ZNF804B: variants seen among roughly 807,000 people sequenced by gnomAD.
The protein encoded by ZNF804B is zinc finger 804B.
Under a neutral mutation model 101.4 loss-of-function variants are expected in ZNF804B, and 80 were observed. The ratio of observed to expected loss-of-function variants is 0.79; its 90% CI spans 0.66 to 0.95. The LOEUF (loss-of-function observed/expected upper bound fraction) is 0.95, where lower values mean the gene tolerates loss of function less well. Ranked by LOEUF, ZNF804B falls within the 40% of genes least tolerant of loss-of-function variation. The pLI is 0.00. For synonymous variants in ZNF804B, 622 were observed against 558.8 expected (o/e 1.11, Z -1.59); for missense variants, 1,673 against 1,561.9 (o/e 1.07, Z -1.20).
intron 1 of ZNF804B, among the ~76,000 whole-genome samples, chr7:89,123,164 T>G (rs1308342148): frequency 6.6e-6 from 1 of 152,106 alleles, no homozygotes; most frequent in East Asian, 1.9e-4. Flanking sequence ...CAGCTTTTTT[T>G]TTTTTTTAAT....
chr7:89,113,770 G>C (rs2116355797), intron 1 of ZNF804B, among the ~76,000 whole-genome samples: 1 of 152,184 alleles, frequency 6.6e-6, no homozygotes, highest in South Asian at 2.1e-4. Flanking sequence ...GGCCAACATA[G>C]TGAAACCTCG....
chr7:88,793,949 TA>T (rs1157342507), intron 1 of ZNF804B, among the ~76,000 whole-genome samples: 5 of 152,138 alleles, frequency 3.3e-5, no homozygotes, highest in Non-Finnish European at 7.4e-5. Context: ...GAGCTTATGA[TA>T]AACTTATTAA....
At chr7:88,951,972 C>T (rs1213682667) in intron 1 of ZNF804B, among the ~76,000 whole-genome samples, 5 of 151,774 alleles carry the variant, frequency 3.3e-5, no homozygotes, top group African/African-American at 4.8e-5. Context: ...GGTGGTATCT[C>T]ATTCCTGGAA....
chr7:89,085,101 A>G (rs1469095113), intron 1 of ZNF804B, among the ~76,000 whole-genome samples: 2 of 151,420 alleles, frequency 1.3e-5, no homozygotes, highest in African/African-American at 4.9e-5. Flanking sequence ...AAATCAAGTA[A>G]CCCTGTTCAG....
intron 1 of ZNF804B, among the ~76,000 whole-genome samples, chr7:88,999,617 T>C (rs2116168927): frequency 6.6e-6 from 1 of 152,136 alleles, no homozygotes; most frequent in South Asian, 2.1e-4. Flanking sequence ...TTAAATTTTT[T>C]CTTAAATAAA....
chr7:89,127,336 T>G (rs150357308), intron 1 of ZNF804B, among the ~76,000 whole-genome samples: 1 of 151,998 alleles, frequency 6.6e-6, no homozygotes, highest in Non-Finnish European at 1.5e-5. Flanking sequence ...TTTCTTCTTA[T>G]AACATTGGAA....
chr7:88,844,420 G>A (rs1234531963), intron 1 of ZNF804B, among the ~76,000 whole-genome samples: 1 of 152,282 alleles, frequency 6.6e-6, no homozygotes, highest in Admixed American at 6.5e-5. Flanking sequence ...ACTAGTTGAA[G>A]AGAAAGTTCC....
chr7:89,307,759 T>C (rs986427398), intron 2 of ZNF804B, among the ~76,000 whole-genome samples: 1 of 152,050 alleles, frequency 6.6e-6, no homozygotes, highest in Non-Finnish European at 1.5e-5. Flanking sequence ...TATAAACTTA[T>C]AGAAACATTT....
chr7:89,125,927 T>C (rs1790469341), intron 1 of ZNF804B, among the ~76,000 whole-genome samples: 1 of 152,080 alleles, frequency 6.6e-6, no homozygotes, highest in South Asian at 2.1e-4. Flanking sequence ...TGTAGGGCAC[T>C]CAAGAAGATA....
chr7:89,056,180 G>T (rs2027973), intron 1 of ZNF804B, among the ~76,000 whole-genome samples: 70,581 of 151,758 alleles, frequency 0.47, 17,036 homozygotes, highest in Non-Finnish European at 0.53. Context: ...CAAAAGGGAT[G>T]GATAAGTGGG....
At chr7:89,039,367 C>T (rs1193235894) in intron 1 of ZNF804B, among the ~76,000 whole-genome samples, 2 of 151,758 alleles carry the variant, frequency 1.3e-5, no homozygotes, top group Non-Finnish European at 2.9e-5. Flanking sequence ...ATTTTGTGTT[C>T]TTTAAATTTC....
chr7:88,839,830 A>G (rs1454636758), intron 1 of ZNF804B, among the ~76,000 whole-genome samples: 1 of 152,050 alleles, frequency 6.6e-6, no homozygotes, highest in East Asian at 1.9e-4. Flanking sequence ...TATACCTCAC[A>G]GGATAGTCAG....
chr7:89,112,765 T>C, intron 1 of ZNF804B, among the ~76,000 whole-genome samples: 1 of 151,980 alleles, frequency 6.6e-6, no homozygotes, highest in Admixed American at 6.6e-5. Flanking sequence ...AAGTAAAGAG[T>C]GAAGAGAGAG....
chr7:89,171,357 TCCTCCTC>T (rs1562904576), intron 1 of ZNF804B, among the ~76,000 whole-genome samples: 1 of 98,876 alleles, frequency 1.0e-5, no homozygotes, highest in African/African-American at 3.6e-5. Context: ...TTCTTCTTCT[TCCTCCTC>T]TTCCTCTTCT....
intron 1 of ZNF804B, among the ~76,000 whole-genome samples, chr7:89,217,412 A>C (rs1788913829): frequency 6.6e-6 from 1 of 152,308 alleles, no homozygotes; most frequent in African/African-American, 2.4e-5. Context: ...TCTATAATGC[A>C]GACTAAAATA....
At chr7:89,069,983 T>A (rs191630198) in intron 1 of ZNF804B, among the ~76,000 whole-genome samples, 1 of 152,312 alleles carries the variant, frequency 6.6e-6, no homozygotes, top group East Asian at 1.9e-4. Context: ...TTATTAAGTG[T>A]ATTTCCCTTG....
intron 1 of ZNF804B, among the ~76,000 whole-genome samples, chr7:88,964,898 C>A (rs1331461748): frequency 2.0e-5 from 3 of 151,296 alleles, no homozygotes; most frequent in African/African-American, 7.3e-5. Context: ...TATAAAGCTT[C>A]TTAAAGAATC....
intron 1 of ZNF804B, among the ~76,000 whole-genome samples, chr7:89,013,290 A>G (rs928300989): frequency 4.0e-5 from 6 of 151,682 alleles, no homozygotes; most frequent in African/African-American, 1.5e-4. Flanking sequence ...GAGAGAAGAA[A>G]CATATGAGAA....
intron 1 of ZNF804B, among the ~76,000 whole-genome samples, chr7:89,094,371 A>G (rs1789939755): frequency 6.6e-6 from 1 of 152,154 alleles, no homozygotes; most frequent in Non-Finnish European, 1.5e-5. Flanking sequence ...AATATGCCAT[A>G]TCAGGAACTC....
Sources: allele counts gnomAD v4.1 joint callset (sites outside exome capture counted in the v4.1 genomes callset), GRCh38; gene constraint gnomAD v4.1.1; transcripts MANE v1.5; gene names NCBI Gene and HGNC (gene_info 2026-07-23, HGNC 2026-07-21).